Variants in NUP210 observed in about 807,000 individuals in gnomAD.
NUP210 encodes nuclear pore membrane glycoprotein 210.
In NUP210, 151 loss-of-function variants were observed where a neutral mutation model predicts 196.0. The observed-to-expected ratio is 0.77, with a 90% CI of 0.67 to 0.88. The LOEUF (loss-of-function observed/expected upper bound fraction) is 0.88. NUP210 is among the 40% of genes least tolerant of loss of function. NUP210 has a pLI of 0.00. For synonymous variants in NUP210, 1,070 were observed against 1,052.7 expected (o/e 1.02, Z -0.32); for missense variants, 2,314 against 2,493.7 (o/e 0.93, Z 1.53).
At chr3:13,333,093 CAG>C (rs1436551657) in intron 28 of NUP210, among the ~76,000 whole-genome samples, 1 of 152,214 alleles carries the variant, frequency 6.6e-6, no homozygotes, top group African/African-American at 2.4e-5. Context: ...TAGACACACA[CAG>C]GGGCCTGGTG....
intron 21 of NUP210, 73 bp downstream of exon 21, chr3:13,343,097 AACATT>A: frequency 6.4e-7 from 1 of 1,561,488 alleles, no homozygotes; most frequent in South Asian, 1.2e-5. Flanking sequence ...GGCCATGCGG[AACATT>A]CCTCCCACAG....
In NUP210 at chr3:13,370,329, G is replaced by A. The variant is rs545382000; in HGVS notation, c.1786+1505C>T. On this transcript the variant is annotated intron_variant, in intron 13 of 39. Coordinates refer to ENST00000254508, the MANE Select transcript of NUP210 (RefSeq NM_024923.4). ...AACTCCTGGAGAAACGCCCTGCATCGTGCTGAGGGATATTCACTTGTAACC... is the reference window on the plus strand; with the variant it reads ...AACTCCTGGAGAAACGCCCTGCATCATGCTGAGGGATATTCACTTGTAACC... 5.9e-5 allele frequency among the ~76,000 whole-genome samples: 9 copies of A among 152,282 alleles called. No homozygotes were observed. The South Asian group carries it at 6.2e-4, about 11-fold the overall frequency.
At position 13,360,508 on chromosome 3, in the gene NUP210, C is replaced by A. The variant is rs149063456; in HGVS notation, c.1933-17G>T. 5.0e-5 allele frequency: 80 copies of A among 1,587,656 alleles called. No homozygotes were observed. The African/African-American group carries it at 5.5e-4, about 11-fold the overall frequency. On this transcript the variant is annotated splice_polypyrimidine_tract_variant and intron_variant, in intron 14 of 39. Transcript: ENST00000254508. Reference sequence around the variant, plus strand: ...ATCCACAGCCTGGGGACAGAAGAGGCAGAAGACTTGGCATTCTTCTAAGGC... The same window carrying A: ...ATCCACAGCCTGGGGACAGAAGAGGAAGAAGACTTGGCATTCTTCTAAGGC...
At chr3:13,330,863 C>T (rs868530208) in intron 29 of NUP210, among the ~76,000 whole-genome samples, 1 of 152,188 alleles carries the variant, frequency 6.6e-6, no homozygotes, top group East Asian at 1.9e-4. Flanking sequence ...CAAAGTGTGG[C>T]GTCTCACTCT....
chr3:13,319,220 G>A lies in NUP210; in HGVS notation c.5479+10C>T, dbSNP rs752523968. On this transcript the variant is annotated intron_variant, in intron 38 of 39. Transcript: ENST00000254508. ...GGGAACAGACCCAGAGATACAGGCA[G>A]CCTCCTCACCTATGATCATGACCGC... 1.9e-6 allele frequency: 3 copies of A among 1,612,490 alleles called. No individual in the cohort carries two copies. The highest frequency in any genetic ancestry group is 2.2e-5 in the South Asian group (2 of 90,674).
chr3:13,401,259 CAAA>C (rs71066952), intron 1 of NUP210, among the ~76,000 whole-genome samples: 68 of 43,828 alleles, frequency 1.6e-3, no homozygotes, highest in African/African-American at 6.3e-3. Context: ...GACTCTGGCT[CAAA>C]AAAAAAAAAA....
At chr3:13,417,688 G>C (rs182244150) in intron 1 of NUP210, among the ~76,000 whole-genome samples, 2 of 152,132 alleles carry the variant, frequency 1.3e-5, no homozygotes, top group African/African-American at 4.8e-5. Context: ...CAAGTTAAGG[G>C]GGAATCACAA....
intron 3 of NUP210, among the ~76,000 whole-genome samples, chr3:13,391,610 C>T (rs1052717572): frequency 2.7e-5 from 4 of 150,406 alleles, no homozygotes; most frequent in Non-Finnish European, 4.4e-5. Flanking sequence ...CAGTGCAGTG[C>T]ATAACACTGC....
chr3:13,377,347 C>T (rs764286376), intron 9 of NUP210, 109 bp downstream of exon 9: 8 of 761,820 alleles, frequency 1.1e-5, no homozygotes, highest in Non-Finnish European at 1.8e-5. Flanking sequence ...GACCCCTCCT[C>T]GGTCAGCCTG....
chr3:13,399,227 C>T (rs192622881), intron 2 of NUP210, among the ~76,000 whole-genome samples: 2 of 138,930 alleles, frequency 1.4e-5, no homozygotes, highest in African/African-American at 5.6e-5. Context: ...GATCGCGCCA[C>T]TGCACTCCAG....
At chr3:13,327,588 G>A in intron 31 of NUP210, 151 bp from the exon 32 acceptor site, 1 of 632,992 alleles carries the variant, frequency 1.6e-6, no homozygotes, top group South Asian at 1.9e-5. Context: ...ACCAAGCAGT[G>A]GCCCCAGATG....
chr3:13,402,031 CA>C (rs1319019567), intron 1 of NUP210, among the ~76,000 whole-genome samples: 3 of 151,512 alleles, frequency 2.0e-5, no homozygotes, highest in African/African-American at 4.8e-5. Context: ...GCCATCTCTA[CA>C]AAAAAAAATT....
At chr3:13,413,477 AAAAC>A (rs889297889) in intron 1 of NUP210, among the ~76,000 whole-genome samples, 5 of 151,904 alleles carry the variant, frequency 3.3e-5, no homozygotes, top group Non-Finnish European at 4.4e-5. Context: ...CTCAAAAAAA[AAAAC>A]AAACAAACAA....
chr3:13,363,423 G>A (rs560964875), intron 14 of NUP210, among the ~76,000 whole-genome samples: 3 of 152,326 alleles, frequency 2.0e-5, no homozygotes, highest in East Asian at 3.9e-4. Context: ...AGAACTGTGC[G>A]AAGGAGCTGT....
intron 1 of NUP210, 98 bp from the exon 2 acceptor site, chr3:13,399,959 C>G (rs1699781688): frequency 7.0e-7 from 1 of 1,423,906 alleles, no homozygotes. Flanking sequence ...GGGCGCAGTC[C>G]TGGACCCAAA....
rs561356701 is a variant in NUP210, at chr3:13,347,999, C to T, written c.2835+3880G>A. ...AGAGCAGTTCGCAGGGCCTGTGGCA[C>T]GGGCTGCTGCTTGCCATAGGGGAGA... is the stretch of plus-strand genomic sequence containing the variant. On this transcript the variant is annotated intron_variant, in intron 20 of 39. Transcript: ENST00000254508. This position sits in a 1 kb window ranked among gnomAD's most constrained non-coding sequence, Gnocchi z 4.7. Among the ~76,000 whole-genome samples the T allele has an allele frequency of 3.9e-5, 6 of 152,318 alleles. No homozygotes were observed. In the East Asian group the frequency reaches 7.7e-4, roughly 20 times the overall value.
chr3:13,360,238 G>C, intron 15 of NUP210, 32 bp downstream of exon 15: 1 of 1,574,066 alleles, frequency 6.4e-7, no homozygotes, highest in Non-Finnish European at 8.7e-7. Context: ...CTGCCTTAGG[G>C]CAAGGAGGGT....
intron 15 of NUP210, 110 bp downstream of exon 15, chr3:13,360,160 G>C (rs1363772868): frequency 1.1e-6 from 1 of 893,572 alleles, no homozygotes; most frequent in African/African-American, 1.7e-5. Context: ...GGTACAATAG[G>C]AGTGGCTGTC....
chr3:13,378,230 C>T (rs1185971339), intron 8 of NUP210, among the ~76,000 whole-genome samples: 1 of 152,178 alleles, frequency 6.6e-6, no homozygotes, highest in African/African-American at 2.4e-5. Context: ...AACTCTCAGT[C>T]CTGAGCTGAC....
Sources: allele counts gnomAD v4.1 joint callset (sites outside exome capture counted in the v4.1 genomes callset), GRCh38; gene constraint gnomAD v4.1.1; non-coding constraint Gnocchi (gnomAD v3.1); transcripts MANE v1.5; gene names NCBI Gene and HGNC (gene_info 2026-07-23, HGNC 2026-07-21).